The following PARD3B variants were observed in gnomAD, a reference collection of about 807,000 sequenced individuals.
PARD3B encodes the protein partitioning defective 3 homolog B.
Under a neutral mutation model 130.2 loss-of-function variants are expected in PARD3B, and 103 were observed. The observed-to-expected ratio is 0.79, with a 90% CI of 0.67 to 0.93. The LOEUF (loss-of-function observed/expected upper bound fraction) is 0.93, where lower values mean the gene tolerates loss of function less well. Ranked by LOEUF, PARD3B falls within the 40% of genes least tolerant of loss-of-function variation. The probability of loss-of-function intolerance (pLI) is 0.00; values close to 1 mark genes in which losing one functional copy is unlikely to be tolerated. For synonymous variants in PARD3B, 583 were observed against 553.2 expected, an observed-to-expected ratio of 1.05 and a Z score of -0.76; for missense variants, 1,609 against 1,499.2, an observed-to-expected ratio of 1.07 and a Z score of -1.21.
rs1450276542 is a variant in PARD3B at position 205,282,012 on chromosome 2, C to T, written c.2186-18518C>T. On this transcript the variant is annotated intron_variant, in intron 16 of 22. Coordinates refer to ENST00000406610, the MANE Select transcript of PARD3B (RefSeq NM_001302769.2). ...TAATTATCAAAAATGTTTTTTTAAA[C>T]AAATAATTTTTTTCAACACTAGCCC... 4.6e-5 allele frequency among the ~76,000 whole-genome samples: 7 copies of T among 152,042 alleles called. No individual in the cohort carries two copies. The South Asian group carries it at 1.4e-3, about 31-fold the overall frequency.
intron 2 of PARD3B, among the ~76,000 whole-genome samples, chr2:204,892,867 T>C (rs916002406): frequency 9.2e-5 from 14 of 152,190 alleles, no homozygotes; most frequent in African/African-American, 3.1e-4. Flanking sequence ...AATCAGTAAG[T>C]TGTTAGTGTA....
chr2:205,003,976 G>T (rs957589221), intron 3 of PARD3B, among the ~76,000 whole-genome samples: 10 of 152,152 alleles, frequency 6.6e-5, no homozygotes. Flanking sequence ...TTACAAAGTG[G>T]GGTCTGGGGC....
chr2:205,105,774 T>A lies in PARD3B; in HGVS notation c.593+1260T>A, dbSNP rs1703160122. ...AACATAGGGAGACCCTCTCTCTCTC[T>A]GAAGAAAAAAAAAAGGCGGGGGGAT... On this transcript the variant is annotated intron_variant, in intron 5 of 22. Coordinates refer to ENST00000406610, the MANE Select transcript of PARD3B (RefSeq NM_001302769.2). This position sits in a 1 kb window ranked among gnomAD's most constrained non-coding sequence, Gnocchi z 4.0. 6.6e-6 allele frequency among the ~76,000 whole-genome samples: 1 copy of A among 150,406 alleles called. No homozygotes were observed. Among genetic ancestry groups the A allele is most frequent in the Non-Finnish European group, 1.5e-5 (1 of 67,668 alleles).
In PARD3B at chr2:205,164,928, A is replaced by G. The variant is rs905253294; in HGVS notation, c.1620+6021A>G. ...TGACCACAGTATGAACTCTGCATAC[A>G]TATACACACGTTTTTGTTCTAGCAT... On this transcript the variant is annotated intron_variant, in intron 11 of 22. Coordinates refer to ENST00000406610, the MANE Select transcript of PARD3B (RefSeq NM_001302769.2). Among the ~76,000 whole-genome samples, 5 of 124,540 alleles carry G rather than the reference A, an allele frequency of 4.0e-5. No homozygotes were observed. In the East Asian group the frequency reaches 1.0e-3, roughly 25 times the overall value. 81.7% of individuals were successfully genotyped at this position (124,540 alleles called of 152,430 possible).
In PARD3B at chr2:204,845,808, T is replaced by G. The variant is rs74526886; in HGVS notation, c.223-119344T>G. ...GAATGGCTCACTACTTAAAAGTCAT[T>G]TTTCCCTAAATGATATGTATAGATA... On this transcript the variant is annotated intron_variant, in intron 2 of 22. Transcript: ENST00000406610. Among the ~76,000 whole-genome samples, 1,825 of 152,240 alleles carry G rather than the reference T, an allele frequency of 0.012. 62 individuals carry two copies. In the East Asian group the frequency reaches 0.15, roughly 13 times the overall value.
chr2:205,482,691 C>A (rs551568954), intron 20 of PARD3B: 3 of 152,214 alleles, frequency 2.0e-5, no homozygotes, highest in African/African-American at 4.8e-5. Flanking sequence ...AGGATAAAAA[C>A]CAGCCTCTGG....
chr2:204,562,679 A>C (rs559641427), intron 1 of PARD3B, among the ~76,000 whole-genome samples: 35 of 152,320 alleles, frequency 2.3e-4, no homozygotes, highest in African/African-American at 7.9e-4. Context: ...GAGATGAGGA[A>C]GTGTAAGATG....
At chr2:205,439,525 G>A (rs1385754160) in intron 19 of PARD3B, among the ~76,000 whole-genome samples, 1 of 151,982 alleles carries the variant, frequency 6.6e-6, no homozygotes, top group African/African-American at 2.4e-5. Context: ...ACACTTTCCA[G>A]ATTAAATGTC....
chr2:205,610,021 G>C (rs1449133634), intron 22 of PARD3B, among the ~76,000 whole-genome samples: 1 of 152,168 alleles, frequency 6.6e-6, no homozygotes, highest in Non-Finnish European at 1.5e-5. Context: ...GCAGACTCAA[G>C]TTTTCCCCTT....
chr2:205,580,611 C>T (rs1391863588), intron 22 of PARD3B, among the ~76,000 whole-genome samples: 12 of 152,052 alleles, frequency 7.9e-5, no homozygotes, highest in Admixed American at 7.2e-4. Context: ...AGTTTCAGTG[C>T]CTTAAAAAAG....
At chr2:204,721,604 G>T (rs1244137395) in intron 2 of PARD3B, among the ~76,000 whole-genome samples, 1 of 151,896 alleles carries the variant, frequency 6.6e-6, no homozygotes, top group Non-Finnish European at 1.5e-5. Flanking sequence ...ATATTTCGAT[G>T]GCAAAGACAG....
At chr2:205,152,159 G>A (rs1442940291) in intron 10 of PARD3B, among the ~76,000 whole-genome samples, 1 of 152,122 alleles carries the variant, frequency 6.6e-6, no homozygotes, top group African/African-American at 2.4e-5. Context: ...TCCCTTTGTG[G>A]GTAACCTGAC....
In PARD3B at chr2:205,178,645, T is replaced by G. The variant is rs138544827; in HGVS notation, c.1924+2068T>G. 7.0e-3 allele frequency among the ~76,000 whole-genome samples: 1,073 copies of G among 152,334 alleles called. 11 individuals carry two copies. Among genetic ancestry groups the G allele is most frequent in the African/African-American group, 0.024 (1,014 of 41,578 alleles). ...TAGATTTCATGTAACTTGATTGGCA[T>G]TTAATTCTCTAGCAACGTGTGGCCC... On this transcript the variant is annotated intron_variant, in intron 13 of 22. Coordinates refer to ENST00000406610, the MANE Select transcript of PARD3B (RefSeq NM_001302769.2).
At chr2:204,857,849 A>G (rs1434150866) in intron 2 of PARD3B, among the ~76,000 whole-genome samples, 10 of 152,286 alleles carry the variant, frequency 6.6e-5, no homozygotes, top group Admixed American at 3.9e-4. Context: ...AGTTTTCTCA[A>G]ATGTCAAGAT....
chr2:205,284,443 T>C (rs754283220), intron 16 of PARD3B, among the ~76,000 whole-genome samples: 8 of 152,178 alleles, frequency 5.3e-5, no homozygotes, highest in Non-Finnish European at 8.8e-5. Flanking sequence ...GATAAATTCT[T>C]TGAGGCCACA....
At chr2:204,958,031 A>G (rs1690419020) in intron 2 of PARD3B, among the ~76,000 whole-genome samples, 2 of 152,208 alleles carry the variant, frequency 1.3e-5, no homozygotes. Flanking sequence ...TGTGGCAAAT[A>G]AGCCTTTCTT....
At position 205,011,712 on chromosome 2, in the gene PARD3B, G is replaced by A. The variant is rs1695728271; in HGVS notation, c.395-35869G>A. On this transcript the variant is annotated intron_variant, in intron 3 of 22. Coordinates refer to ENST00000406610, the MANE Select transcript of PARD3B (RefSeq NM_001302769.2). This position sits in a 1 kb window ranked among gnomAD's most constrained non-coding sequence, Gnocchi z 4.1. ...GTGCCTTACCTGAAGATTTAAGCCTGGGTGACAGTGTTTAGGGAACCTAGC... is the reference window on the plus strand; with the variant it reads ...GTGCCTTACCTGAAGATTTAAGCCTAGGTGACAGTGTTTAGGGAACCTAGC... Among the ~76,000 whole-genome samples, 1 of 152,022 alleles carries A rather than the reference G, an allele frequency of 6.6e-6. No homozygotes were observed. Among genetic ancestry groups the A allele is most frequent in the Admixed American group, 6.5e-5 (1 of 15,268 alleles).
intron 2 of PARD3B, among the ~76,000 whole-genome samples, chr2:204,839,431 C>T (rs906449730): frequency 2.6e-5 from 4 of 152,152 alleles, no homozygotes. Context: ...ACAGACTTTT[C>T]CCATTGATTA....
chr2:204,996,436 G>A (rs1233957036), intron 3 of PARD3B, among the ~76,000 whole-genome samples: 1 of 152,182 alleles, frequency 6.6e-6, no homozygotes, highest in East Asian at 1.9e-4. Context: ...CAGTGTGCCG[G>A]TTCTCAGATC....
Sources: gnomAD v4.1 joint callset for allele counts (sites outside exome capture counted in the v4.1 genomes callset) on GRCh38, gnomAD v4.1.1 for gene constraint, Gnocchi (gnomAD v3.1) non-coding constraint, MANE v1.5 for transcripts, NCBI Gene and HGNC (gene_info 2026-07-23, HGNC 2026-07-21) for gene names.